The following ADAMTSL1 variants were observed in gnomAD, a reference collection of about 807,000 sequenced individuals.
The protein encoded by ADAMTSL1 is ADAMTS-like protein 1.
Under a neutral mutation model 201.8 loss-of-function variants are expected in ADAMTSL1, and 126 were observed. That is an observed-to-expected ratio of 0.62 (90% confidence interval 0.54 to 0.72). The LOEUF is 0.72. Ranked by LOEUF, ADAMTSL1 falls within the 30% of genes least tolerant of loss-of-function variation. ADAMTSL1 has a pLI of 0.00. For synonymous variants in ADAMTSL1, 1,121 were observed against 903.4 expected, an observed-to-expected ratio of 1.24 and a Z score of -4.32; for missense variants, 2,679 against 2,277.8, an observed-to-expected ratio of 1.18 and a Z score of -3.59.
intron 1 of ADAMTSL1, among the ~76,000 whole-genome samples, chr9:17,970,974 C>T (rs1818184199): frequency 2.0e-5 from 3 of 151,966 alleles, no homozygotes; most frequent in Admixed American, 6.6e-5. Context: ...TAGATGTTTT[C>T]CTAAACATTT....
chr9:18,208,756 A>G (rs1386238172), intron 2 of ADAMTSL1, among the ~76,000 whole-genome samples: 1 of 152,158 alleles, frequency 6.6e-6, no homozygotes, highest in Non-Finnish European at 1.5e-5. Flanking sequence ...TGAAGAAAAT[A>G]TCATAATAAT....
chr9:17,929,442 C>T (rs923446926), intron 1 of ADAMTSL1, among the ~76,000 whole-genome samples: 2 of 152,180 alleles, frequency 1.3e-5, no homozygotes, highest in East Asian at 3.9e-4. Context: ...TGCATGCTTC[C>T]GAATAAGCTG....
chr9:18,183,332 T>C (rs1828585003), intron 2 of ADAMTSL1, among the ~76,000 whole-genome samples: 1 of 152,202 alleles, frequency 6.6e-6, no homozygotes, highest in Non-Finnish European at 1.5e-5. Flanking sequence ...GATGATGTTT[T>C]ATATAGAACA....
At chr9:18,309,533 A>G (rs1382860706) in intron 2 of ADAMTSL1, among the ~76,000 whole-genome samples, 2 of 152,158 alleles carry the variant, frequency 1.3e-5, no homozygotes, top group Admixed American at 1.3e-4. Flanking sequence ...GCATTCCCAT[A>G]CAGCAATAAT....
Position 18,208,842 on chromosome 9 carries a change from A to G in ADAMTSL1, c.207+44861A>G, listed in dbSNP as rs192158218. Among the ~76,000 whole-genome samples, 1,021 of 152,280 alleles carry G rather than the reference A, an allele frequency of 6.7e-3. 11 individuals are homozygous for G. Among genetic ancestry groups the G allele is most frequent in the African/African-American group, 0.023 (971 of 41,544 alleles). ...AAAGGACAGACCTTGATTAATGTTT[A>G]ACTTTACCTATGCCTCTTTCTGGTT... On this transcript the variant is annotated intron_variant, in intron 2 of 29. Coordinates refer to the ADAMTSL1 transcript ENST00000680146.
At chr9:18,270,400 T>G (rs1304492734) in intron 2 of ADAMTSL1, among the ~76,000 whole-genome samples, 2 of 152,146 alleles carry the variant, frequency 1.3e-5, no homozygotes, top group Non-Finnish European at 2.9e-5. Context: ...TCTAATGGGA[T>G]AATTCAGCTG....
At chr9:18,484,148 T>C (rs1420745414) in intron 1 of ADAMTSL1, among the ~76,000 whole-genome samples, 1 of 152,202 alleles carries the variant, frequency 6.6e-6, no homozygotes, top group Admixed American at 6.5e-5. Context: ...CTGTGCTAGG[T>C]ACTGGCTATG....
intron 5 of ADAMTSL1, among the ~76,000 whole-genome samples, chr9:18,623,295 A>T (rs2132681603): frequency 6.6e-6 from 1 of 152,308 alleles, no homozygotes; most frequent in African/African-American, 2.4e-5. Context: ...AGAATTTCAC[A>T]CAATCGTCCC....
intron 2 of ADAMTSL1, among the ~76,000 whole-genome samples, chr9:18,281,699 C>A (rs1563855570): frequency 6.6e-6 from 1 of 152,150 alleles, no homozygotes; most frequent in Non-Finnish European, 1.5e-5. Flanking sequence ...GTTCCGGGAC[C>A]ATTGTTTGTG....
At chr9:18,670,701 A>C (rs1829756535) in intron 9 of ADAMTSL1, among the ~76,000 whole-genome samples, 1 of 152,246 alleles carries the variant, frequency 6.6e-6, no homozygotes, top group Admixed American at 6.5e-5. Flanking sequence ...TCACTCAATG[A>C]TTATTTACTA....
intron 14 of ADAMTSL1, among the ~76,000 whole-genome samples, chr9:18,713,409 A>G (rs1484570015): frequency 6.6e-6 from 1 of 152,238 alleles, no homozygotes; most frequent in African/African-American, 2.4e-5. Context: ...AGGAAGATCT[A>G]CCAAGCAAGT....
At chr9:18,710,143 A>G (rs1832470979) in intron 14 of ADAMTSL1, among the ~76,000 whole-genome samples, 1 of 152,100 alleles carries the variant, frequency 6.6e-6, no homozygotes, top group African/African-American at 2.4e-5. Context: ...CCACACTCCC[A>G]GTTCCAGGGC....
intron 2 of ADAMTSL1, among the ~76,000 whole-genome samples, chr9:18,361,786 C>T (rs1322204396): frequency 6.6e-6 from 1 of 152,170 alleles, no homozygotes; most frequent in Admixed American, 6.5e-5. Context: ...AAAGGATTGG[C>T]CTCCAACCAA....
chr9:18,101,521 G>A (rs1281832995), intron 1 of ADAMTSL1, among the ~76,000 whole-genome samples: 3 of 151,594 alleles, frequency 2.0e-5, no homozygotes, highest in South Asian at 4.2e-4. Flanking sequence ...AGAAAAGCAA[G>A]AAAAAGAAAA....
chr9:18,266,731 A>T (rs1348258915), intron 2 of ADAMTSL1, among the ~76,000 whole-genome samples: 1 of 152,124 alleles, frequency 6.6e-6, no homozygotes, highest in East Asian at 1.9e-4. Flanking sequence ...ACCCCATTGG[A>T]CAAGACTCAG....
At chr9:18,165,521 C>G (rs933843125) in intron 2 of ADAMTSL1, among the ~76,000 whole-genome samples, 1 of 151,874 alleles carries the variant, frequency 6.6e-6, no homozygotes, top group East Asian at 1.9e-4. Context: ...GTTGAATTTC[C>G]TCAAAGGTAA....
chr9:18,354,999 A>G (rs575153098), intron 2 of ADAMTSL1, among the ~76,000 whole-genome samples: 15 of 151,970 alleles, frequency 9.9e-5, no homozygotes, highest in African/African-American at 3.4e-4. Context: ...CAAACAAACA[A>G]ACAGACTAAG....
At chr9:17,913,659 A>C (rs148987411) in intron 1 of ADAMTSL1, among the ~76,000 whole-genome samples, 10,533 of 152,260 alleles carry the variant, frequency 0.069, 723 homozygotes, top group African/African-American at 0.17. Context: ...GAAGGCAAGA[A>C]ATAACTAAAA....
At chr9:18,474,137 C>T (rs961006551), upstream of ADAMTSL1, 7 of 1,113,914 alleles carry the variant, frequency 6.3e-6, no homozygotes, top group African/African-American at 1.1e-4. Context: ...ATAGGCAGGA[C>T]TGGAGTGTTA....
Sources: allele counts gnomAD v4.1 joint callset (sites outside exome capture counted in the v4.1 genomes callset), GRCh38; gene constraint gnomAD v4.1.1; transcripts MANE v1.5; gene names NCBI Gene and HGNC (gene_info 2026-07-23, HGNC 2026-07-21).